The following CADM2 variants were observed in gnomAD, a reference collection of about 807,000 sequenced individuals.
CADM2 encodes immunoglobulin superfamily member 4D.
A neutral mutation model predicts 49.8 loss-of-function variants in CADM2; 12 were observed. That is an observed-to-expected ratio of 0.24 (90% CI 0.15 to 0.39). The LOEUF is 0.39. CADM2 is among the 10% of genes least tolerant of loss of function. The pLI is 1.00. For synonymous variants in CADM2, 214 were observed against 175.4 expected, an observed-to-expected ratio of 1.22 and a Z score of -1.74; for missense variants, 378 against 492.3, an observed-to-expected ratio of 0.77 and a Z score of 2.20.
chr3:85,070,641 G>T (rs551022923), intron 1 of CADM2, among the ~76,000 whole-genome samples: 9 of 152,258 alleles, frequency 5.9e-5, no homozygotes, highest in African/African-American at 1.9e-4. Flanking sequence ...GCTACTTCCT[G>T]TAACTGATGG....
At chr3:85,301,761 G>A (rs2106993889) in intron 1 of CADM2, among the ~76,000 whole-genome samples, 1 of 152,068 alleles carries the variant, frequency 6.6e-6, no homozygotes, top group East Asian at 1.9e-4. Flanking sequence ...AGCTCATAGG[G>A]CTAGGAAAAA....
intron 1 of CADM2, among the ~76,000 whole-genome samples, chr3:85,608,788 G>A (rs2107440215): frequency 6.6e-6 from 1 of 152,144 alleles, no homozygotes; most frequent in East Asian, 1.9e-4. Context: ...AATTTAATTT[G>A]AAGTTACCTT....
chr3:85,209,644 G>C (rs2041730450), intron 1 of CADM2, among the ~76,000 whole-genome samples: 1 of 151,814 alleles, frequency 6.6e-6, no homozygotes, highest in Non-Finnish European at 1.5e-5. Context: ...TAAATGCACA[G>C]ATTGAGCTTC....
At chr3:85,897,307 G>A (rs1715364043) in intron 5 of CADM2, among the ~76,000 whole-genome samples, 2 of 115,826 alleles carry the variant, frequency 1.7e-5, no homozygotes, top group Admixed American at 2.5e-4. Context: ...CTGTCGCCCA[G>A]GCCGGACTGC....
At chr3:85,657,750 A>G (rs1383882718) in intron 1 of CADM2, among the ~76,000 whole-genome samples, 1 of 107,242 alleles carries the variant, frequency 9.3e-6, no homozygotes, top group Non-Finnish European at 2.1e-5. Flanking sequence ...ACAGATATAT[A>G]TATATACACA....
intron 3 of CADM2, among the ~76,000 whole-genome samples, chr3:85,823,796 G>A (rs1230587186): frequency 2.0e-5 from 3 of 152,078 alleles, no homozygotes; most frequent in Non-Finnish European, 4.4e-5. Context: ...AAATTTATCT[G>A]TCTGTTTATA....
intron 1 of CADM2, among the ~76,000 whole-genome samples, chr3:85,641,899 C>T (rs1170556350): frequency 6.6e-6 from 1 of 151,976 alleles, no homozygotes; most frequent in East Asian, 1.9e-4. Flanking sequence ...CCACTGCACT[C>T]CAGCCTGGGC....
intron 8 of CADM2, chr3:86,012,707 C>T (rs1731690180): frequency 7.5e-6 from 8 of 1,070,310 alleles, no homozygotes; most frequent in Admixed American, 5.3e-5. Flanking sequence ...AACACCTGAT[C>T]GGCTGGGCGC....
At position 85,722,137 on chromosome 3, in the gene CADM2, C is replaced by G. The variant is rs374753266; in HGVS notation, c.62-4385C>G. On this transcript the variant is annotated intron_variant, in intron 1 of 9. Coordinates refer to ENST00000383699, the MANE Select transcript of CADM2 (RefSeq NM_001167675.2). ...GAGGAAGCCCTGAAGTGGGTAGCTC[C>G]TCTCTGCAGCTGGTTATCCTGATGT... 9.9e-5 allele frequency among the ~76,000 whole-genome samples: 15 copies of G among 152,152 alleles called. 1 individual carries two copies. The highest frequency in any genetic ancestry group is 8.5e-4 in the Admixed American group (13 of 15,288).
chr3:85,653,322 C>G (rs2065110052), intron 1 of CADM2, among the ~76,000 whole-genome samples: 1 of 146,342 alleles, frequency 6.8e-6, no homozygotes, highest in South Asian at 2.3e-4. Flanking sequence ...TTGAAATAAG[C>G]AGGTGACAGG....
intron 1 of CADM2, among the ~76,000 whole-genome samples, chr3:85,363,387 A>G (rs13094105): frequency 0.32 from 49,160 of 151,984 alleles, 8,231 homozygotes; most frequent in South Asian, 0.39. Flanking sequence ...TAATGTCTGA[A>G]GAAAACACCT....
At position 85,040,072 on chromosome 3, in the gene CADM2, A is replaced by T. The variant is rs186825137; in HGVS notation, c.61+80404A>T. Among the ~76,000 whole-genome samples, 11 of 152,304 alleles carry T rather than the reference A, an allele frequency of 7.2e-5. No individual in the cohort carries two copies. In the East Asian group the frequency reaches 2.1e-3, roughly 29 times the overall value. ...CAGAATGAGAAATATAAGCACACAAATATTGAGTATTCTGAGCCTACTAAT... is the reference window on the plus strand; with the variant it reads ...CAGAATGAGAAATATAAGCACACAATTATTGAGTATTCTGAGCCTACTAAT... On this transcript the variant is annotated intron_variant, in intron 1 of 9. Transcript: ENST00000383699.
At chr3:85,301,445 A>T (rs1320415618) in intron 1 of CADM2, among the ~76,000 whole-genome samples, 3 of 152,060 alleles carry the variant, frequency 2.0e-5, no homozygotes, top group Admixed American at 6.6e-5. Flanking sequence ...TTTCTTCTAT[A>T]AATTTTACTT....
intron 7 of CADM2, among the ~76,000 whole-genome samples, chr3:85,939,275 C>T (rs940270191): frequency 1.1e-4 from 16 of 152,008 alleles, no homozygotes; most frequent in African/African-American, 3.9e-4. Flanking sequence ...TAGAAGCATT[C>T]TATTCTTTCC....
intron 1 of CADM2, among the ~76,000 whole-genome samples, chr3:85,437,082 T>C (rs1159468354): frequency 6.6e-6 from 1 of 152,162 alleles, no homozygotes; most frequent in Non-Finnish European, 1.5e-5. Flanking sequence ...CAGAATGTCA[T>C]GCAGTTGGAA....
At chr3:85,237,739 A>C (rs1345630242) in intron 1 of CADM2, among the ~76,000 whole-genome samples, 1 of 151,778 alleles carries the variant, frequency 6.6e-6, no homozygotes, top group African/African-American at 2.4e-5. Context: ...GTATCAAGGC[A>C]TCAAGTTTTA....
At chr3:85,292,999 G>A (rs757031206) in intron 1 of CADM2, among the ~76,000 whole-genome samples, 12 of 152,082 alleles carry the variant, frequency 7.9e-5, no homozygotes, top group Non-Finnish European at 1.8e-4. Context: ...ATGATTCCAG[G>A]AGCTGGTTTT....
intron 8 of CADM2, among the ~76,000 whole-genome samples, chr3:85,981,565 G>T (rs1021962585): frequency 6.6e-6 from 1 of 151,490 alleles, no homozygotes; most frequent in Non-Finnish European, 1.5e-5. Context: ...GTGTCCATGT[G>T]TCCTCAATAT....
intron 3 of CADM2, among the ~76,000 whole-genome samples, chr3:85,866,722 G>A (rs1336165864): frequency 1.3e-5 from 2 of 151,866 alleles, no homozygotes; most frequent in East Asian, 3.9e-4. Context: ...AATTTTACGT[G>A]TTCTTCTGGT....
Sources: gnomAD v4.1 joint callset for allele counts (sites outside exome capture counted in the v4.1 genomes callset) on GRCh38, gnomAD v4.1.1 for gene constraint, MANE v1.5 for transcripts, NCBI Gene and HGNC (gene_info 2026-07-23, HGNC 2026-07-21) for gene names.